PMPCA: variants seen among roughly 807,000 people sequenced by gnomAD.
PMPCA encodes peptidase, mitochondrial processing subunit alpha, also known as mitochondrial-processing peptidase subunit alpha.
PMPCA carries 47 observed loss-of-function variants against 59.3 expected under a neutral mutation model. The ratio of observed to expected loss-of-function variants is 0.79; its 90% CI spans 0.63 to 1.01. PMPCA has a LOEUF of 1.01. Among genes scored for constraint, PMPCA ranks in the 50% least tolerant of loss-of-function variants. PMPCA has a pLI of 0.00. For missense variants in PMPCA, 726 were observed against 704.5 expected (o/e 1.03, Z -0.34); for synonymous variants, 338 against 290.3 (o/e 1.16, Z -1.67).
rs1835180951 is a variant in PMPCA at position 136,413,105 on chromosome 9, C to A, written c.437+213C>A. The A allele has an allele frequency of 8.8e-5, 46 of 522,506 alleles. No individual in the cohort carries two copies. The South Asian group carries it at 1.2e-3, about 14-fold the overall frequency. 32.4% of individuals were successfully genotyped at this position (522,506 alleles called of 1,614,324 possible). A position where few individuals can be genotyped will look rare whatever the true frequency, so the allele number is the denominator to read the frequency against. ...GTTGACCCCCGTCAGTTCCTCCAGG[C>A]TGTTGGCTGCATGCCAGGGATGTAG... On this transcript the variant is annotated intron_variant, in intron 4 of 12. Coordinates refer to ENST00000371717, the MANE Select transcript of PMPCA (RefSeq NM_015160.3).
Position 136,423,744 on chromosome 9 carries a change from G to A in PMPCA, c.*480G>A, listed in dbSNP as rs1835530153. The A allele has an allele frequency of 6.4e-6, 1 of 155,410 alleles. No homozygotes were observed. The highest frequency in any genetic ancestry group is 2.4e-5 in the African/African-American group (1 of 41,538). The allele number at this position is 155,410 out of a possible 1,614,324, so 9.6% of individuals were successfully genotyped here. A position where few individuals can be genotyped will look rare whatever the true frequency, so the allele number is the denominator to read the frequency against. On this transcript the variant is annotated 3_prime_UTR_variant, in exon 13 of 13. Coordinates refer to ENST00000371717, the MANE Select transcript of PMPCA (RefSeq NM_015160.3). ...TGCACACAGCTTCCCTGGTAATAAA[G>A]AGCTGGCATCTTTCTTAGCACGGTG...
intron 5 of PMPCA, among the ~76,000 whole-genome samples, chr9:136,415,695 C>T (rs994944613): frequency 6.6e-6 from 1 of 152,214 alleles, no homozygotes; most frequent in Admixed American, 6.5e-5. Context: ...TGCAGTGGCG[C>T]GATCTCGGCT....
chr9:136,416,799 G>A (rs1835289119), intron 6 of PMPCA, 152 bp from the exon 7 acceptor site: 7 of 632,962 alleles, frequency 1.1e-5, no homozygotes, highest in South Asian at 4.0e-5. Flanking sequence ...TTATAAATAC[G>A]CACGCAGCTG....
At chr9:136,412,630 T>C in intron 3 of PMPCA, 61 bp downstream of exon 3, 2 of 892,106 alleles carry the variant, frequency 2.2e-6, no homozygotes, top group African/African-American at 1.7e-5. Context: ...GAGATTTTTC[T>C]TGTCTATAAT....
intron 11 of PMPCA, 33 bp from the exon 12 acceptor site, chr9:136,421,799 G>A (rs772978469): frequency 6.4e-7 from 1 of 1,555,430 alleles, no homozygotes; most frequent in South Asian, 1.2e-5. Flanking sequence ...CACGGGGCGG[G>A]TGTGTGCTCA....
At chr9:136,420,568 TC>T (rs1233672783) in intron 11 of PMPCA, 1 of 152,204 alleles carries the variant, frequency 6.6e-6, no homozygotes, top group East Asian at 1.9e-4. Context: ...TGCCTTGGCC[TC>T]CCAAAGTGCT....
intron 7 of PMPCA, 48 bp downstream of exon 7, chr9:136,417,262 C>T (rs772203893): frequency 1.2e-5 from 18 of 1,498,910 alleles, no homozygotes; most frequent in East Asian, 2.3e-5. Context: ...AACACGTCCC[C>T]TGGCCCGTGG....
intron 7 of PMPCA, 121 bp downstream of exon 7, chr9:136,417,335 T>A: frequency 1.3e-6 from 1 of 764,920 alleles, no homozygotes; most frequent in Non-Finnish European, 2.0e-6. Flanking sequence ...TAGCTTTGCC[T>A]TAACACATGC....
chr9:136,418,472 G>A (rs1229305681), intron 8 of PMPCA, 83 bp from the exon 9 acceptor site: 3 of 906,580 alleles, frequency 3.3e-6, no homozygotes, highest in Non-Finnish European at 5.4e-6. Context: ...GACTCAGCCA[G>A]CTCTGCCCTC....
At chr9:136,416,453 G>A (rs1835277619) in intron 6 of PMPCA, 62 bp downstream of exon 6, 11 of 1,186,222 alleles carry the variant, frequency 9.3e-6, no homozygotes, top group Admixed American at 8.5e-5. Context: ...GACACCAGGG[G>A]TGGTGGGGAG....
At chr9:136,416,197 C>G (rs902098904) in intron 5 of PMPCA, 94 bp from the exon 6 acceptor site, 1 of 892,508 alleles carries the variant, frequency 1.1e-6, no homozygotes, top group African/African-American at 1.6e-5. Context: ...CACCAACAGG[C>G]GACACTCAGG....
At chr9:136,416,197 C>T (rs902098904) in intron 5 of PMPCA, 94 bp from the exon 6 acceptor site, 22 of 892,514 alleles carry the variant, frequency 2.5e-5, no homozygotes, top group South Asian at 4.4e-5. Flanking sequence ...CACCAACAGG[C>T]GACACTCAGG....
chr9:136,412,321 C>T lies in PMPCA; in HGVS notation c.274+122C>T, dbSNP rs73566911. ...GTACCCTGAGTGGAAACAAAGTGTA[C>T]GATTTCATAAATGTTGAGCTACACA... On this transcript the variant is annotated intron_variant, in intron 2 of 12. Transcript: ENST00000371717. 0.045 allele frequency: 38,210 copies of T among 852,944 alleles called. 2,672 individuals carry two copies. Among genetic ancestry groups the T allele is most frequent in the African/African-American group, 0.26 (15,594 of 60,152 alleles). The allele number at this position is 852,944 out of a possible 1,614,324, so 52.8% of individuals were successfully genotyped here. A position where few individuals can be genotyped will look rare whatever the true frequency, so the allele number is the denominator to read the frequency against.
At chr9:136,413,460 T>C (rs1261379146) in intron 4 of PMPCA, among the ~76,000 whole-genome samples, 1 of 152,146 alleles carries the variant, frequency 6.6e-6, no homozygotes, top group Non-Finnish European at 1.5e-5. Context: ...CACTGGGCAA[T>C]GTGAGATGGG....
Position 136,419,016 on chromosome 9 carries a change from A to G in PMPCA, c.1201-28A>G, listed in dbSNP as rs765011097. 1.2e-5 allele frequency: 20 copies of G among 1,610,876 alleles called. 1 individual carries two copies. In the South Asian group the frequency reaches 1.9e-4, roughly 15 times the overall value. The stretch of plus-strand genomic sequence containing the variant: ...CAGTAGGCCGGCAGGCGCAGGCCAC[A>G]CTGTTATCGTCTTGCCCTTCTTCGC... On this transcript the variant is annotated intron_variant, in intron 10 of 12. Coordinates refer to ENST00000371717, the MANE Select transcript of PMPCA (RefSeq NM_015160.3).
intron 4 of PMPCA, 107 bp downstream of exon 4, chr9:136,412,999 C>G: frequency 1.3e-6 from 1 of 746,736 alleles, no homozygotes; most frequent in South Asian, 1.5e-5. Flanking sequence ...TGTGGAGATT[C>G]ACGGGGAGAA....
In PMPCA at chr9:136,418,898, G is replaced by A. The variant is rs143494427; in HGVS notation, c.1180G>A (p.Ala394Thr). 5.6e-6 allele frequency: 9 copies of A among 1,613,634 alleles called. No homozygotes were observed. In the African/African-American group the frequency reaches 9.3e-5, roughly 17 times the overall value. The change falls in exon 10 of 13, where the codon GCC becomes ACC. Residue 394 changes from alanine to threonine, a missense_variant. Ala to Thr is a moderately conservative substitution (Grantham distance 58). Coordinates refer to ENST00000371717, the MANE Select transcript of PMPCA (RefSeq NM_015160.3). ...YEDTGLLCIH[A>T]SADPRQVREM... ...GGACACTGGCCTCCTTTGCATCCATGCCAGCGCCGACCCAAGACAGGTGAG... is the reference window on the plus strand; with the variant it reads ...GGACACTGGCCTCCTTTGCATCCATACCAGCGCCGACCCAAGACAGGTGAG...
At position 136,412,142 on chromosome 9, in the gene PMPCA, G is replaced by A. The variant is rs1363458152; in HGVS notation, c.217G>A (p.Asp73Asn). 5.0e-6 allele frequency: 8 copies of A among 1,613,998 alleles called. No individual in the cohort carries two copies. The highest frequency in any genetic ancestry group is 1.3e-5 in the African/African-American group (1 of 74,926). The change falls in exon 2 of 13, where the codon GAT becomes AAT. Residue 73 changes from aspartate (D) to asparagine (N), a missense_variant. Physicochemically the swap from Asp to Asn is conservative, Grantham distance 23 (BLOSUM62 1). Transcript: ENST00000371717. ...EKFETKVTTLDNGLRVASQNK... is the reference protein window; with the variant it reads ...EKFETKVTTLNNGLRVASQNK... The stretch of plus-strand genomic sequence containing the variant: ...GTTTGAAACCAAAGTAACCACATTG[G>A]ATAATGGGCTTCGCGTGGCATCTCA...
intron 4 of PMPCA, among the ~76,000 whole-genome samples, chr9:136,413,183 C>T (rs1317308277): frequency 3.9e-5 from 6 of 152,204 alleles, no homozygotes; most frequent in African/African-American, 7.2e-5. Context: ...TAATGGACCC[C>T]GTAGCCAAAG....
Sources: allele counts gnomAD v4.1 joint callset (sites outside exome capture counted in the v4.1 genomes callset), GRCh38; gene constraint gnomAD v4.1.1; transcripts MANE v1.5; gene names NCBI Gene and HGNC (gene_info 2026-07-23, HGNC 2026-07-21).